Variants in CEP112 observed in about 807,000 individuals in gnomAD.
CEP112 encodes centrosomal protein of 112 kDa.
CEP112 carries 127 observed loss-of-function variants against 153.0 expected under a neutral mutation model. The observed-to-expected ratio is 0.83, with a 90% CI of 0.72 to 0.96. CEP112 has a LOEUF of 0.96. Ranked by LOEUF, CEP112 falls within the 40% of genes least tolerant of loss-of-function variation. CEP112 has a pLI of 0.00. For synonymous variants in CEP112, 358 were observed against 374.4 expected (o/e 0.96, Z 0.51); for missense variants, 1,089 against 1,101.2 (o/e 0.99, Z 0.16).
At chr17:65,989,310 C>T (rs1031561786) in intron 17 of CEP112, among the ~76,000 whole-genome samples, 1 of 150,470 alleles carries the variant, frequency 6.6e-6, no homozygotes. Flanking sequence ...TATCCCAAGG[C>T]CTATAAACAT....
intron 23 of CEP112, among the ~76,000 whole-genome samples, chr17:65,723,614 T>C (rs772770456): frequency 3.9e-5 from 6 of 152,114 alleles, no homozygotes; most frequent in Admixed American, 1.3e-4. Context: ...GGGAAAAAAG[T>C]AATTGGGAAG....
intron 21 of CEP112, among the ~76,000 whole-genome samples, chr17:65,818,601 T>G (rs1456838243): frequency 6.6e-6 from 1 of 151,850 alleles, no homozygotes; most frequent in Admixed American, 6.6e-5. Context: ...CTCAAGTTTA[T>G]TATTATAAAA....
intron 20 of CEP112, among the ~76,000 whole-genome samples, chr17:65,864,860 A>G (rs188170034): frequency 1.3e-5 from 2 of 152,056 alleles, no homozygotes; most frequent in Non-Finnish European, 2.9e-5. Context: ...TCAGAGTGCT[A>G]CTATAGCCAC....
intron 10 of CEP112, among the ~76,000 whole-genome samples, chr17:66,065,597 GC>G (rs1568451272): frequency 6.6e-6 from 1 of 151,064 alleles, no homozygotes; most frequent in Non-Finnish European, 1.5e-5. Context: ...ACTTAATCTA[GC>G]CCCAAGTCAA....
At chr17:65,882,246 C>T (rs1369511301) in intron 20 of CEP112, among the ~76,000 whole-genome samples, 1 of 152,184 alleles carries the variant, frequency 6.6e-6, no homozygotes, top group African/African-American at 2.4e-5. Flanking sequence ...CAACTGATTA[C>T]GTCTCTAATA....
intron 18 of CEP112, among the ~76,000 whole-genome samples, chr17:65,953,806 C>T (rs1343147902): frequency 6.6e-6 from 1 of 152,198 alleles, no homozygotes; most frequent in Non-Finnish European, 1.5e-5. Flanking sequence ...CAGCCAGCCC[C>T]ACACAAGGAG....
At chr17:66,168,641 G>C (rs1347578566) in intron 4 of CEP112, among the ~76,000 whole-genome samples, 1 of 151,870 alleles carries the variant, frequency 6.6e-6, no homozygotes, top group African/African-American at 2.4e-5. Flanking sequence ...GTCCATAATA[G>C]CCCAAAACAG....
intron 16 of CEP112, among the ~76,000 whole-genome samples, chr17:66,006,817 G>C (rs2064296113): frequency 6.6e-6 from 1 of 152,160 alleles, no homozygotes; most frequent in African/African-American, 2.4e-5. Flanking sequence ...CAAGTTACTT[G>C]GTGGGGTGGG....
intron 19 of CEP112, among the ~76,000 whole-genome samples, chr17:65,905,723 G>A (rs1269791450): frequency 1.3e-5 from 2 of 151,992 alleles, no homozygotes; most frequent in South Asian, 2.1e-4. Context: ...AGGTCAGGAG[G>A]TCAAGACCAT....
chr17:65,700,213 G>T (rs982871962), intron 23 of CEP112, among the ~76,000 whole-genome samples: 2 of 151,846 alleles, frequency 1.3e-5, no homozygotes, highest in African/African-American at 4.8e-5. Flanking sequence ...CATTACTTCC[G>T]TAAGTTAATG....
chr17:65,780,376 G>A (rs1034052267), intron 21 of CEP112, among the ~76,000 whole-genome samples: 2 of 151,988 alleles, frequency 1.3e-5, no homozygotes, highest in Non-Finnish European at 1.5e-5. Flanking sequence ...AGCAAAGGCC[G>A]CAGAAACTGA....
At chr17:66,007,473 C>T (rs112710873) in intron 16 of CEP112, among the ~76,000 whole-genome samples, 2 of 152,166 alleles carry the variant, frequency 1.3e-5, no homozygotes, top group Non-Finnish European at 2.9e-5. Context: ...ATATGTATTA[C>T]AGTGTTTGGC....
chr17:66,132,893 C>T (rs1471433059), intron 4 of CEP112, 130 bp from the exon 5 acceptor site: 6 of 691,452 alleles, frequency 8.7e-6, no homozygotes, highest in Non-Finnish European at 1.5e-5. Flanking sequence ...TGTTCCATAG[C>T]CGGGCGTGGT....
chr17:66,116,280 T>G (rs1282555708), intron 6 of CEP112, among the ~76,000 whole-genome samples: 1 of 152,206 alleles, frequency 6.6e-6, no homozygotes, highest in Non-Finnish European at 1.5e-5. Context: ...TTTTTTGTCC[T>G]CTTGTTTCTA....
intron 4 of CEP112, among the ~76,000 whole-genome samples, chr17:66,140,712 GGC>G (rs1188536231): frequency 1.3e-5 from 2 of 152,090 alleles, no homozygotes; most frequent in African/African-American, 4.8e-5. Context: ...GTGCAATCTT[GGC>G]TCACTGCAAC....
chr17:66,000,591 C>T (rs1276370797), intron 17 of CEP112, among the ~76,000 whole-genome samples: 1 of 152,076 alleles, frequency 6.6e-6, no homozygotes, highest in Non-Finnish European at 1.5e-5. Context: ...ACTAGTCTAG[C>T]GTCCAAACAT....
chr17:65,830,033 T>C (rs544605998), intron 21 of CEP112, among the ~76,000 whole-genome samples: 2 of 152,350 alleles, frequency 1.3e-5, no homozygotes, highest in South Asian at 4.1e-4. Flanking sequence ...ATTTTTTCAT[T>C]TTATTAACTT....
chr17:65,830,549 G>C (rs2057032565), intron 21 of CEP112, among the ~76,000 whole-genome samples: 1 of 152,178 alleles, frequency 6.6e-6, no homozygotes, highest in South Asian at 2.1e-4. Context: ...CTGATTACTT[G>C]AACTAGTGCA....
chr17:66,137,398 A>T (rs930253930), intron 4 of CEP112, among the ~76,000 whole-genome samples: 23 of 152,104 alleles, frequency 1.5e-4, no homozygotes, highest in African/African-American at 5.5e-4. Flanking sequence ...AAGAGAAGAG[A>T]GAGAAAAGCA....
Sources: gnomAD v4.1 joint callset for allele counts (sites outside exome capture counted in the v4.1 genomes callset) on GRCh38, gnomAD v4.1.1 for gene constraint, MANE v1.5 for transcripts, NCBI Gene and HGNC (gene_info 2026-07-23, HGNC 2026-07-21) for gene names.